Variants in RALGAPA2 observed in about 807,000 individuals in gnomAD.
RALGAPA2 encodes the protein Ral GTPase activating protein catalytic subunit alpha 2, also known as ral GTPase-activating protein subunit alpha-2.
In RALGAPA2, 139 loss-of-function variants were observed where a neutral mutation model predicts 230.4. The observed-to-expected ratio is 0.60, with a 90% CI of 0.53 to 0.69. The LOEUF is 0.69. RALGAPA2 is among the 30% of genes least tolerant of loss of function. The pLI is 0.00. For synonymous variants in RALGAPA2, 847 were observed against 837.8 expected (o/e 1.01, Z -0.19); for missense variants, 2,163 against 2,276.0 (o/e 0.95, Z 1.01).
intron 16 of RALGAPA2, among the ~76,000 whole-genome samples, chr20:20,598,017 T>C (rs1287570406): frequency 6.6e-6 from 1 of 152,216 alleles, no homozygotes. Context: ...AGGTAAATCC[T>C]TCTGTTGAAG....
chr20:20,635,678 T>C, intron 8 of RALGAPA2, 61 bp from the exon 9 acceptor site: 2 of 1,346,966 alleles, frequency 1.5e-6, no homozygotes, highest in African/African-American at 3.1e-5. Flanking sequence ...AAGTAATCCC[T>C]ACAAATGTTT....
In RALGAPA2 at chr20:20,544,258, A is replaced by G. The variant is rs375957229; in HGVS notation, c.3285+2446T>C. On this transcript the variant is annotated intron_variant, in intron 24 of 39. Transcript: ENST00000202677. ...AACACGGTGAAACTCCATCTCTACT[A>G]AAAACATAAAAAAAATAGCTGGGCA... Among the ~76,000 whole-genome samples the G allele has an allele frequency of 3.3e-5, 5 of 152,122 alleles. No homozygotes were observed. The East Asian group carries it at 5.8e-4, about 18-fold the overall frequency.
intron 25 of RALGAPA2, 61 bp downstream of exon 25, chr20:20,536,595 A>C: frequency 6.4e-7 from 1 of 1,551,304 alleles, no homozygotes; most frequent in South Asian, 1.2e-5. Context: ...GGAAGAGATA[A>C]TCATACATCT....
chr20:20,494,317 T>G (rs535262337), intron 36 of RALGAPA2, among the ~76,000 whole-genome samples: 8 of 152,318 alleles, frequency 5.3e-5, no homozygotes, highest in African/African-American at 1.7e-4. Context: ...ATACATACTA[T>G]CAAGCTGAAA....
At chr20:20,497,178 T>A (rs2062234126) in intron 35 of RALGAPA2, among the ~76,000 whole-genome samples, 1 of 152,246 alleles carries the variant, frequency 6.6e-6, no homozygotes, top group Non-Finnish European at 1.5e-5. Flanking sequence ...AACATCTCTT[T>A]ATATTTCTCC....
At chr20:20,638,900 A>G (rs1159957193) in intron 7 of RALGAPA2, among the ~76,000 whole-genome samples, 1 of 152,214 alleles carries the variant, frequency 6.6e-6, no homozygotes, top group African/African-American at 2.4e-5. Context: ...AGAGAAAAGC[A>G]CAGTTCCCTA....
chr20:20,539,687 T>C (rs1230819331), intron 24 of RALGAPA2, among the ~76,000 whole-genome samples: 3 of 152,214 alleles, frequency 2.0e-5, no homozygotes, highest in Non-Finnish European at 4.4e-5. Flanking sequence ...TTAATTATAG[T>C]GACCATGCTG....
intron 36 of RALGAPA2, among the ~76,000 whole-genome samples, chr20:20,488,448 G>T (rs2061969150): frequency 6.6e-6 from 1 of 152,206 alleles, no homozygotes; most frequent in Non-Finnish European, 1.5e-5. Flanking sequence ...GTTTCCCAGA[G>T]GTTTCTGCTC....
At chr20:20,426,484 C>A (rs538287676) in intron 37 of RALGAPA2, among the ~76,000 whole-genome samples, 1 of 152,294 alleles carries the variant, frequency 6.6e-6, no homozygotes, top group South Asian at 2.1e-4. Flanking sequence ...AGTGAAGCCA[C>A]CTGTTTGCTA....
intron 23 of RALGAPA2, among the ~76,000 whole-genome samples, chr20:20,563,642 A>AACTT (rs1243418546): frequency 2.0e-5 from 3 of 152,176 alleles, no homozygotes; most frequent in Non-Finnish European, 1.5e-5. Context: ...CATGAGTCGA[A>AACTT]ACTTACAGTC....
chr20:20,512,244 C>CACACACACACACACACACACACAT (rs2062733136), intron 32 of RALGAPA2, among the ~76,000 whole-genome samples: 5 of 148,384 alleles, frequency 3.4e-5, no homozygotes, highest in African/African-American at 1.3e-4. Context: ...CACACATACA[C>CACACACACACACACACACACACAT]ACACACACAC....
At chr20:20,527,436 TCAAA>T (rs1481563823) in intron 27 of RALGAPA2, among the ~76,000 whole-genome samples, 1 of 152,136 alleles carries the variant, frequency 6.6e-6, no homozygotes, top group Non-Finnish European at 1.5e-5. Flanking sequence ...GTTCCATCTC[TCAAA>T]CACTCTGGCT....
chr20:20,653,513 T>A lies in RALGAPA2; in HGVS notation c.328+17A>T, dbSNP rs201616899. The A allele has an allele frequency of 5.7e-5, 80 of 1,410,470 alleles. 1 individual carries two copies. The East Asian group carries it at 1.9e-3, about 34-fold the overall frequency. The allele number at this position is 1,410,470 out of a possible 1,614,324, so 87.4% of individuals were successfully genotyped here. Reference sequence around the variant, plus strand: ...GGAAGAAATTCATATTACTAAAAAATTTTTAATTGTTCTTACCTATACTCT... The same window carrying A: ...GGAAGAAATTCATATTACTAAAAAAATTTTAATTGTTCTTACCTATACTCT... On this transcript the variant is annotated intron_variant, in intron 4 of 39. Transcript: ENST00000202677.
At chr20:20,658,326 C>T (rs550223700) in intron 3 of RALGAPA2, among the ~76,000 whole-genome samples, 2 of 152,144 alleles carry the variant, frequency 1.3e-5, no homozygotes, top group Non-Finnish European at 2.9e-5. Context: ...AAAAATAAAG[C>T]CCAACACAAC....
rs1383824237 is a variant in RALGAPA2 at position 20,605,243 on chromosome 20, C to T, written c.1970G>A (p.Gly657Glu). 6.2e-7 allele frequency: 1 copy of T among 1,613,792 alleles called. No homozygotes were observed. Among genetic ancestry groups the T allele is most frequent in the Non-Finnish European group, 8.5e-7 (1 of 1,179,858 alleles). Reference sequence around the variant, plus strand: ...CAGAGGTAGGTTTGTCATCTCAACTCCATAAACGGTTCTTGCAAGCACTGC... The same window carrying T: ...CAGAGGTAGGTTTGTCATCTCAACTTCATAAACGGTTCTTGCAAGCACTGC... ...LTAVLARTVY[G>E]VEMTNLPLDK... The change falls in exon 15 of 40, where the codon GGA becomes GAA. Residue 657 changes from glycine to glutamate, a missense_variant. Transcript: ENST00000202677.
In RALGAPA2 at chr20:20,444,572, T is replaced by C. The variant is rs143689107; in HGVS notation, c.5495+28257A>G. On this transcript the variant is annotated intron_variant, in intron 37 of 39. Transcript: ENST00000202677. ...AAAATCACCAGCACCTTCCTGCTGC[T>C]TTCCAGACACTCTCCCCCTTACTGG... is the stretch of plus-strand genomic sequence containing the variant. Among the ~76,000 whole-genome samples, 651 of 152,306 alleles carry C rather than the reference T, an allele frequency of 4.3e-3. 5 individuals are homozygous for C. The highest frequency in any genetic ancestry group is 0.015 in the African/African-American group (621 of 41,582).
chr20:20,475,622 A>C (rs1294315271), intron 36 of RALGAPA2, among the ~76,000 whole-genome samples: 1 of 152,110 alleles, frequency 6.6e-6, no homozygotes, highest in East Asian at 1.9e-4. Context: ...TTAAAGGGGG[A>C]AAAAGGTGTC....
chr20:20,675,548 C>T (rs538439255), intron 3 of RALGAPA2, among the ~76,000 whole-genome samples: 2 of 152,272 alleles, frequency 1.3e-5, no homozygotes, highest in East Asian at 3.9e-4. Flanking sequence ...AATTAACTTT[C>T]GGAACCTATA....
chr20:20,690,139 T>C (rs572369706), intron 1 of RALGAPA2, among the ~76,000 whole-genome samples: 1 of 152,296 alleles, frequency 6.6e-6, no homozygotes, highest in East Asian at 1.9e-4. Context: ...TTCTCTGAAG[T>C]ATTATACTTT....
Sources: allele counts gnomAD v4.1 joint callset (sites outside exome capture counted in the v4.1 genomes callset), GRCh38; gene constraint gnomAD v4.1.1; transcripts MANE v1.5; gene names NCBI Gene and HGNC (gene_info 2026-07-23, HGNC 2026-07-21).